The following ODR4 variants were observed in gnomAD, a reference collection of about 807,000 sequenced individuals.
ODR4 encodes protein odr-4 homolog.
Under a neutral mutation model 60.2 loss-of-function variants are expected in ODR4, and 47 were observed. That is an observed-to-expected ratio of 0.78 (90% confidence interval 0.62 to 1.00). The LOEUF (loss-of-function observed/expected upper bound fraction) is 1.00, where lower values mean the gene tolerates loss of function less well. ODR4 is among the 50% of genes least tolerant of loss of function. The pLI is 0.00. For synonymous variants in ODR4, 178 were observed against 175.5 expected (o/e 1.01, Z -0.11); for missense variants, 488 against 530.8 (o/e 0.92, Z 0.79).
intron 4 of ODR4, 32 bp from the exon 5 acceptor site, chr1:186,388,407 TACA>T (rs1467371696): frequency 3.2e-6 from 4 of 1,237,772 alleles, no homozygotes; most frequent in South Asian, 1.5e-5. Context: ...TTTTTCATTT[TACA>T]TTCAATTAGT....
chr1:186,421,788 A>T (rs2976253), downstream of ODR4, among the ~76,000 whole-genome samples: 1 of 150,252 alleles, frequency 6.7e-6, no homozygotes, highest in Non-Finnish European at 1.5e-5. Flanking sequence ...CACTTGAACC[A>T]GGGAGGCGAA....
intron 5 of ODR4, among the ~76,000 whole-genome samples, chr1:186,389,260 G>T (rs1660365682): frequency 6.6e-6 from 1 of 151,800 alleles, no homozygotes; most frequent in Non-Finnish European, 1.5e-5. Context: ...TAAAACAGTG[G>T]TACTTTTTCT....
chr1:186,421,851 G>A (rs1661789998), downstream of ODR4, among the ~76,000 whole-genome samples: 1 of 113,402 alleles, frequency 8.8e-6, no homozygotes, highest in South Asian at 2.9e-4. Context: ...GACAGAGTGA[G>A]ACTCTATCTC....
At chr1:186,392,674 G>T (rs1407609833) in intron 8 of ODR4, among the ~76,000 whole-genome samples, 1 of 150,204 alleles carries the variant, frequency 6.7e-6, no homozygotes, top group Admixed American at 6.7e-5. Context: ...AAAGTTAGCT[G>T]GGCATTGGTG....
At chr1:186,397,655 A>G (rs1310824425) in intron 9 of ODR4, among the ~76,000 whole-genome samples, 1 of 152,196 alleles carries the variant, frequency 6.6e-6, no homozygotes, top group East Asian at 1.9e-4. Context: ...ATTTTGGAGC[A>G]TTCAGGATTT....
At chr1:186,428,581 T>C in the ODR4 span, among the ~76,000 whole-genome samples, 4 of 152,250 alleles carry the variant, frequency 2.6e-5, no homozygotes, top group Admixed American at 1.3e-4. Flanking sequence ...CAAGAACTTT[T>C]CCTTTGCACT....
At chr1:186,378,811 T>C (rs943809239) in intron 1 of ODR4, among the ~76,000 whole-genome samples, 1 of 152,206 alleles carries the variant, frequency 6.6e-6, no homozygotes, top group Non-Finnish European at 1.5e-5. Flanking sequence ...TTATGAATTA[T>C]TAATGTTACA....
At chr1:186,402,049 TTTC>T (rs1453644186) in intron 11 of ODR4, among the ~76,000 whole-genome samples, 8 of 152,048 alleles carry the variant, frequency 5.3e-5, no homozygotes, top group Non-Finnish European at 8.8e-5. Flanking sequence ...AGGTTTTCTA[TTTC>T]TTCTTGTTTT....
chr1:186,411,369 C>G (rs1348948845), intron 12 of ODR4, among the ~76,000 whole-genome samples: 1 of 152,118 alleles, frequency 6.6e-6, no homozygotes, highest in African/African-American at 2.4e-5. Context: ...AATTGATGCT[C>G]TGTAATATAC....
At chr1:186,416,168 G>A (rs1661557465) in intron 12 of ODR4, among the ~76,000 whole-genome samples, 1 of 152,104 alleles carries the variant, frequency 6.6e-6, no homozygotes, top group South Asian at 2.1e-4. Flanking sequence ...CCCATGTACT[G>A]CAACGTGCTG....
In ODR4 at chr1:186,406,076, C is replaced by CTT. The variant is rs750417467; in HGVS notation, c.1001-4_1001-3dup. 1.3e-6 allele frequency: 2 copies of CTT among 1,540,454 alleles called. No homozygotes were observed. The highest frequency in any genetic ancestry group is 4.0e-5 in the Admixed American group (2 of 49,486). ...CTAAATATTGATAATATTTCTTTTC[C>CTT]TTTTAGATTCTGAAAAAGAGTTCCA... On this transcript the variant is annotated splice_region_variant and splice_polypyrimidine_tract_variant and intron_variant, in intron 11 of 13. Coordinates refer to ENST00000287859, the MANE Select transcript of ODR4 (RefSeq NM_017847.6).
At chr1:186,421,890 AT>A (rs1661794015), downstream of ODR4, among the ~76,000 whole-genome samples, 1 of 150,596 alleles carries the variant, frequency 6.6e-6, no homozygotes, top group African/African-American at 2.4e-5. Context: ...ATGATGAATC[AT>A]TCCAAAGGAA....
chr1:186,381,485 G>A (rs1045960988), intron 2 of ODR4, among the ~76,000 whole-genome samples: 6 of 151,990 alleles, frequency 3.9e-5, no homozygotes, highest in African/African-American at 1.4e-4. Context: ...CCGCCACCTC[G>A]CCCGGCTAAT....
chr1:186,425,758 C>T (rs1054492723), downstream of ODR4, among the ~76,000 whole-genome samples: 3 of 152,158 alleles, frequency 2.0e-5, no homozygotes, highest in Non-Finnish European at 2.9e-5. Context: ...ACAGATGCAC[C>T]GTTGATCCTA....
intron 13 of ODR4, among the ~76,000 whole-genome samples, chr1:186,418,063 ATTAC>A (rs1661639490): frequency 1.3e-5 from 2 of 152,208 alleles, no homozygotes; most frequent in South Asian, 4.1e-4. Flanking sequence ...GGCTCTAAGA[ATTAC>A]TTTAACAGTT....
the ODR4 span, among the ~76,000 whole-genome samples, chr1:186,431,383 C>T: frequency 6.6e-6 from 1 of 152,000 alleles, no homozygotes; most frequent in Non-Finnish European, 1.5e-5. Context: ...GTGTATTTTT[C>T]CCCCAGCAAT....
intron 12 of ODR4, among the ~76,000 whole-genome samples, chr1:186,408,634 A>G (rs1208779785): frequency 6.7e-6 from 1 of 149,546 alleles, no homozygotes. Flanking sequence ...TTATATGAAT[A>G]TGTTTATAAA....
chr1:186,387,819 C>T (rs1660311140), intron 4 of ODR4, among the ~76,000 whole-genome samples: 1 of 152,166 alleles, frequency 6.6e-6, no homozygotes, highest in African/African-American at 2.4e-5. Context: ...CCACCCCTTA[C>T]ATCAAGTATG....
chr1:186,428,151 T>C, the ODR4 span, among the ~76,000 whole-genome samples: 1 of 152,210 alleles, frequency 6.6e-6, no homozygotes, highest in Non-Finnish European at 1.5e-5. Flanking sequence ...CATTGACTTC[T>C]CCTCTCTAGC....
Sources: gnomAD v4.1 joint callset for allele counts (sites outside exome capture counted in the v4.1 genomes callset) on GRCh38, gnomAD v4.1.1 for gene constraint, MANE v1.5 for transcripts, NCBI Gene and HGNC (gene_info 2026-07-23, HGNC 2026-07-21) for gene names.